SAE1: variants seen among roughly 807,000 people sequenced by gnomAD.
The protein encoded by SAE1 is SUMO1 activating enzyme subunit 1.
A neutral mutation model predicts 40.6 loss-of-function variants in SAE1; 11 were observed. The ratio of observed to expected loss-of-function variants is 0.27; its 90% CI spans 0.17 to 0.45. The LOEUF (loss-of-function observed/expected upper bound fraction) is 0.45. Ranked by LOEUF, SAE1 falls within the 20% of genes least tolerant of loss-of-function variation. The pLI, the probability that SAE1 is intolerant of heterozygous loss-of-function variation, is 1.00. For missense variants in SAE1, 373 were observed against 427.3 expected (o/e 0.87, Z 1.12); for synonymous variants, 155 against 154.3 (o/e 1.00, Z -0.03).
chr19:47,183,967 G>T (rs1034392073), intron 6 of SAE1, among the ~76,000 whole-genome samples: 1 of 152,132 alleles, frequency 6.6e-6, no homozygotes, highest in African/African-American at 2.4e-5. Flanking sequence ...ATGCATTAGG[G>T]GCCCATGGAA....
intron 1 of SAE1, among the ~76,000 whole-genome samples, chr19:47,140,637 A>C (rs2058215633): frequency 6.6e-6 from 1 of 151,494 alleles, no homozygotes; most frequent in South Asian, 2.1e-4. Context: ...AAAAAAAAAA[A>C]ACCCATAAAT....
rs1383915636 is a variant in SAE1, at chr19:47,210,139, A to G, written c.*888A>G. The G allele has an allele frequency of 2.0e-5, 3 of 152,126 alleles. No individual in the cohort carries two copies. Among genetic ancestry groups the G allele is most frequent in the African/African-American group, 4.8e-5 (2 of 41,418 alleles). 9.4% of individuals were successfully genotyped at this position (152,126 alleles called of 1,614,324 possible). ...CTGTTTGTGTTTCACATATGTTGTG[A>G]ATTTTCCTTGGTTCTTTTTAAAGGA... On this transcript the variant is annotated 3_prime_UTR_variant, in exon 9 of 9. Transcript: ENST00000270225.
intron 5 of SAE1, among the ~76,000 whole-genome samples, chr19:47,169,359 C>T (rs970743130): frequency 6.6e-6 from 1 of 152,112 alleles, no homozygotes; most frequent in Non-Finnish European, 1.5e-5. Context: ...GATTCTCCTG[C>T]CTCAGCCTCC....
intron 6 of SAE1, among the ~76,000 whole-genome samples, chr19:47,173,024 C>T (rs2058444681): frequency 6.6e-6 from 1 of 152,088 alleles, no homozygotes; most frequent in Non-Finnish European, 1.5e-5. Context: ...TTCCAAAGGT[C>T]TTGTTCTTTT....
intron 1 of SAE1, among the ~76,000 whole-genome samples, chr19:47,137,634 C>T (rs2058189063): frequency 6.6e-6 from 1 of 151,720 alleles, no homozygotes; most frequent in Non-Finnish European, 1.5e-5. Flanking sequence ...GTAGCTGGGA[C>T]CACAGGCGTA....
At chr19:47,190,588 G>A (rs769787809) in intron 6 of SAE1, among the ~76,000 whole-genome samples, 30 of 152,140 alleles carry the variant, frequency 2.0e-4, no homozygotes, top group Non-Finnish European at 3.4e-4. Context: ...CTTCCCAGAG[G>A]CCCTGCAAGG....
intron 8 of SAE1, among the ~76,000 whole-genome samples, chr19:47,204,632 G>T (rs1438550019): frequency 6.7e-6 from 1 of 149,048 alleles, no homozygotes; most frequent in African/African-American, 2.5e-5. Flanking sequence ...TCAGCCTCCC[G>T]AGCAGCTGAG....
intron 6 of SAE1, among the ~76,000 whole-genome samples, chr19:47,196,333 C>CTTTTTTTTTT (rs61498882): frequency 3.2e-4 from 9 of 27,882 alleles, no homozygotes; most frequent in Admixed American, 2.1e-3. Context: ...CCGCGCCTGG[C>CTTTTTTTTTT]TTTTTTTTTT....
chr19:47,171,163 C>T lies in SAE1; in HGVS notation c.733+1240C>T, dbSNP rs1241203599. Among the ~76,000 whole-genome samples the T allele has an allele frequency of 5.9e-5, 9 of 151,556 alleles. No individual in the cohort carries two copies. In the East Asian group the frequency reaches 1.8e-3, roughly 30 times the overall value. ...CTAATTTTTATATTTTTAGTAGAGA[C>T]AGGGTTTCACCATGTTGGCCAGGTT... On this transcript the variant is annotated intron_variant, in intron 6 of 8. Coordinates refer to ENST00000270225, the MANE Select transcript of SAE1 (RefSeq NM_005500.3).
intron 5 of SAE1, among the ~76,000 whole-genome samples, chr19:47,163,705 C>T (rs1238113218): frequency 2.0e-5 from 3 of 151,776 alleles, no homozygotes; most frequent in Non-Finnish European, 4.4e-5. Context: ...CCAGCCTGGG[C>T]GACAGAGCAA....
intron 5 of SAE1, among the ~76,000 whole-genome samples, chr19:47,160,901 T>C (rs2058355940): frequency 6.6e-6 from 1 of 152,176 alleles, no homozygotes; most frequent in Non-Finnish European, 1.5e-5. Flanking sequence ...GGGTGTAAAT[T>C]TGCAGTTAGG....
intron 6 of SAE1, among the ~76,000 whole-genome samples, chr19:47,181,476 CTTTTTTT>C (rs202245801): frequency 1.5e-4 from 15 of 99,726 alleles, no homozygotes; most frequent in Non-Finnish European, 2.0e-4. Context: ...TTTTCTTTTC[CTTTTTTT>C]TTTTTTTTTT....
intron 6 of SAE1, among the ~76,000 whole-genome samples, chr19:47,187,468 T>C (rs763874511): frequency 1.1e-4 from 17 of 152,198 alleles, no homozygotes; most frequent in Non-Finnish European, 1.8e-4. Flanking sequence ...GCTTGAACAC[T>C]TTTCAATTCA....
intron 5 of SAE1, among the ~76,000 whole-genome samples, chr19:47,158,487 G>T (rs2123225490): frequency 6.6e-6 from 1 of 152,348 alleles, no homozygotes; most frequent in South Asian, 2.1e-4. Context: ...AGACAGCAAT[G>T]AGGTGGTGGT....
intron 3 of SAE1, among the ~76,000 whole-genome samples, chr19:47,151,937 T>C (rs1030304922): frequency 3.3e-5 from 5 of 152,242 alleles, no homozygotes; most frequent in African/African-American, 1.2e-4. Context: ...CTTTAGACTC[T>C]GCAGGGTTCC....
intron 1 of SAE1, among the ~76,000 whole-genome samples, chr19:47,138,171 G>A (rs1362840010): frequency 1.3e-5 from 2 of 152,118 alleles, no homozygotes; most frequent in Admixed American, 1.3e-4. Flanking sequence ...AGCCTCCTAA[G>A]TAGCTGGGAT....
intron 5 of SAE1, among the ~76,000 whole-genome samples, chr19:47,157,499 T>G (rs1419340204): frequency 6.6e-6 from 1 of 152,188 alleles, no homozygotes; most frequent in Non-Finnish European, 1.5e-5. Context: ...TCTTTCACAT[T>G]CAAATGGAGA....
intron 8 of SAE1, among the ~76,000 whole-genome samples, chr19:47,207,715 A>G (rs1185111907): frequency 1.3e-5 from 2 of 151,566 alleles, no homozygotes; most frequent in African/African-American, 2.4e-5. Context: ...CTCACTGCAG[A>G]CTTGATTTCC....
chr19:47,130,864 T>TGGCGCGCGGGTCC lies in SAE1; in HGVS notation c.-62_-50dup. 1 of 1,543,120 alleles carries TGGCGCGCGGGTCC rather than the reference T, an allele frequency of 6.5e-7. No individual in the cohort carries two copies. The highest frequency in any genetic ancestry group is 1.2e-5 in the South Asian group (1 of 83,588). On this transcript the variant is annotated 5_prime_UTR_variant, in exon 1 of 9. Coordinates refer to ENST00000270225, the MANE Select transcript of SAE1 (RefSeq NM_005500.3). ...CGGGCGTGCTGCCGGCGGCGGTAGG[T>TGGCGCGCGGGTCC]GGCGCGCGGGTCCGGCGGGCGGTTG...
Sources: allele counts gnomAD v4.1 joint callset (sites outside exome capture counted in the v4.1 genomes callset), GRCh38; gene constraint gnomAD v4.1.1; transcripts MANE v1.5; gene names NCBI Gene and HGNC (gene_info 2026-07-23, HGNC 2026-07-21).